The following PSMA3 variants were observed in gnomAD, a reference collection of about 807,000 sequenced individuals.
PSMA3 encodes the protein proteasome 20S subunit alpha 3, also known as proteasome subunit alpha type-3.
PSMA3 carries 8 observed loss-of-function variants against 40.0 expected under a neutral mutation model. The ratio of observed to expected loss-of-function variants is 0.20; its 90% confidence interval spans 0.12 to 0.36. PSMA3 has a LOEUF of 0.36. Among genes scored for constraint, PSMA3 ranks in the 10% least tolerant of loss-of-function variants. The probability of loss-of-function intolerance (pLI) is 1.00; values close to 1 mark genes in which losing one functional copy is unlikely to be tolerated. For synonymous variants in PSMA3, 110 were observed against 100.0 expected (o/e 1.10, Z -0.59); for missense variants, 219 against 310.6 (o/e 0.70, Z 2.22).
At chr14:58,260,885 AT>A in intron 5 of PSMA3, 62 bp from the exon 6 acceptor site, 2 of 1,218,378 alleles carry the variant, frequency 1.6e-6, no homozygotes, top group Admixed American at 2.0e-5. Context: ...TTTTAAAATA[AT>A]TTTTTCACAA....
At chr14:58,268,785 A>T in intron 8 of PSMA3, 1 of 152,220 alleles carries the variant, frequency 6.6e-6, no homozygotes, top group East Asian at 1.9e-4. Context: ...TCATTTAAGA[A>T]AATGGAGCAG....
At chr14:58,262,002 C>A (rs1464581779) in intron 6 of PSMA3, among the ~76,000 whole-genome samples, 1 of 151,906 alleles carries the variant, frequency 6.6e-6, no homozygotes, top group Non-Finnish European at 1.5e-5. Flanking sequence ...TCTTGGTTCA[C>A]TGCAACCTCT....
chr14:58,248,839 C>T (rs546967478), intron 2 of PSMA3, among the ~76,000 whole-genome samples: 11 of 151,980 alleles, frequency 7.2e-5, no homozygotes, highest in African/African-American at 2.2e-4. Flanking sequence ...TGGCACACGT[C>T]GTAGTTTCAG....
At chr14:58,267,146 C>T (rs149142050) in intron 7 of PSMA3, 37 of 164,326 alleles carry the variant, frequency 2.3e-4, no homozygotes, top group African/African-American at 6.9e-4. Context: ...GTTACAGGCG[C>T]GCACCACCTC....
Position 58,244,932 on chromosome 14 carries a change from C to T in PSMA3, c.12C>T (p.Ile4=), listed in dbSNP as rs977947979. The T allele has an allele frequency of 6.2e-7, 1 of 1,614,186 alleles. No individual in the cohort carries two copies. Among genetic ancestry groups the T allele is most frequent in the East Asian group, 2.2e-5 (1 of 44,874 alleles). The change falls in exon 1 of 11, where the codon ATC becomes ATT. Residue 4 remains isoleucine (I), a synonymous_variant. Transcript: ENST00000216455. MSS[I]GTGYDLSAST... ...TTGGGTTTAGCACGATGAGCTCAAT[C>T]GGCACTGGGGTGAGTTCGCTGTCTG... is the stretch of plus-strand genomic sequence containing the variant.
At chr14:58,252,370 C>T (rs1030431576) in intron 3 of PSMA3, 128 bp downstream of exon 3, 1 of 1,224,066 alleles carries the variant, frequency 8.2e-7, no homozygotes, top group East Asian at 2.6e-5. Context: ...AGTTCACTGT[C>T]CAGTAGAAAG....
intron 8 of PSMA3, 64 bp from the exon 9 acceptor site, chr14:58,270,354 G>T: frequency 6.3e-7 from 1 of 1,594,768 alleles, no homozygotes. Flanking sequence ...ACTGACTTTG[G>T]GTCTGTGAAC....
At chr14:58,256,392 C>G (rs1302490504) in intron 3 of PSMA3, among the ~76,000 whole-genome samples, 1 of 151,534 alleles carries the variant, frequency 6.6e-6, no homozygotes, top group African/African-American at 2.4e-5. Context: ...AATTCAAAAT[C>G]CAAAAAGCTC....
At chr14:58,247,933 C>A in intron 2 of PSMA3, 101 bp downstream of exon 2, 1 of 698,382 alleles carries the variant, frequency 1.4e-6, no homozygotes, top group Non-Finnish European at 2.4e-6. Flanking sequence ...AGTATATGTC[C>A]CCAAATCTCA....
intron 5 of PSMA3, among the ~76,000 whole-genome samples, chr14:58,258,867 A>G (rs891730377): frequency 6.6e-6 from 1 of 152,240 alleles, no homozygotes; most frequent in African/African-American, 2.4e-5. Flanking sequence ...GTTGTTTATC[A>G]TCAGTCATAT....
At chr14:58,265,881 G>C (rs1890427381) in intron 7 of PSMA3, 1 of 152,140 alleles carries the variant, frequency 6.6e-6, no homozygotes, top group African/African-American at 2.4e-5. Context: ...TATCTAGTTA[G>C]ACTTCAGTTA....
rs148026681 is a variant in PSMA3 at position 58,255,493 on chromosome 14, G to A, written c.229-2252G>A. 4.6e-3 allele frequency among the ~76,000 whole-genome samples: 705 copies of A among 152,272 alleles called. 5 individuals carry two copies. Among genetic ancestry groups the A allele is most frequent in the African/African-American group, 0.016 (679 of 41,552 alleles). The stretch of plus-strand genomic sequence containing the variant: ...CTTAGAATGTGCCACACTAGGCCAG[G>A]TGCAGTGGCTCACACCTGTAATCCC... On this transcript the variant is annotated intron_variant, in intron 3 of 10. Transcript: ENST00000216455.
intron 1 of PSMA3, among the ~76,000 whole-genome samples, chr14:58,246,994 C>T (rs1889897105): frequency 6.6e-6 from 1 of 152,190 alleles, no homozygotes; most frequent in South Asian, 2.1e-4. Flanking sequence ...ACACAGTTTA[C>T]TCTTCTTTCT....
chr14:58,260,689 C>T (rs1293775803), intron 5 of PSMA3, among the ~76,000 whole-genome samples: 3 of 152,120 alleles, frequency 2.0e-5, no homozygotes, highest in Non-Finnish European at 2.9e-5. Context: ...ATCGTTACTC[C>T]TTTCCCTGTA....
At chr14:58,263,496 T>C in intron 6 of PSMA3, 1 of 415,176 alleles carries the variant, frequency 2.4e-6, no homozygotes, top group Non-Finnish European at 4.3e-6. Context: ...TATACCTTTA[T>C]TAAAAATACA....
intron 5 of PSMA3, among the ~76,000 whole-genome samples, chr14:58,260,529 A>AAATGATTGGCAGGATATTGGGAAATAG (rs1890251871): frequency 6.6e-6 from 1 of 152,222 alleles, no homozygotes; most frequent in Non-Finnish European, 1.5e-5. Context: ...TATTGCAGAG[A>AAATGATTGGCAGGATATTGGGAAATAG]AATGATTGGC....
intron 3 of PSMA3, among the ~76,000 whole-genome samples, chr14:58,257,484 C>T (rs939287505): frequency 1.3e-5 from 2 of 150,286 alleles, no homozygotes; most frequent in Admixed American, 6.6e-5. Context: ...GGTGACAGAG[C>T]GAGACCCCGT....
At chr14:58,270,517 G>A (rs1467177004) in intron 9 of PSMA3, 32 bp downstream of exon 9, 1 of 1,613,008 alleles carries the variant, frequency 6.2e-7, no homozygotes. Flanking sequence ...ATTTGCCTTA[G>A]GAATGATCTG....
chr14:58,268,066 GTA>G (rs1197329186), intron 8 of PSMA3: 1 of 152,104 alleles, frequency 6.6e-6, no homozygotes, highest in East Asian at 1.9e-4. Flanking sequence ...TTTATTACAG[GTA>G]TATAAAGTAG....
Sources: allele counts gnomAD v4.1 joint callset (sites outside exome capture counted in the v4.1 genomes callset), GRCh38; gene constraint gnomAD v4.1.1; transcripts MANE v1.5; gene names NCBI Gene and HGNC (gene_info 2026-07-23, HGNC 2026-07-21).